Variants in ZNF687 observed in about 807,000 individuals in gnomAD.
The protein encoded by ZNF687 is zinc finger protein 687.
A neutral mutation model predicts 71.8 loss-of-function variants in ZNF687; 13 were observed. The ratio of observed to expected loss-of-function variants is 0.18; its 90% CI spans 0.12 to 0.29. The LOEUF (loss-of-function observed/expected upper bound fraction) is 0.29, where lower values mean the gene tolerates loss of function less well. Ranked by LOEUF, ZNF687 falls within the 10% of genes least tolerant of loss-of-function variation. The pLI, the probability that ZNF687 is intolerant of heterozygous loss-of-function variation, is 1.00. For missense variants in ZNF687, 1,412 were observed against 1,625.6 expected, an observed-to-expected ratio of 0.87 and a Z score of 2.26; for synonymous variants, 673 against 641.6, an observed-to-expected ratio of 1.05 and a Z score of -0.74.
chr1:151,287,441 A>C lies in ZNF687; in HGVS notation c.1150A>C (p.Lys384Gln). 6.2e-7 allele frequency: 1 copy of C among 1,614,134 alleles called. No homozygotes were observed. The highest frequency in any genetic ancestry group is 1.1e-5 in the South Asian group (1 of 91,072). ...SPATPTSEGP[K>Q]VVSVQLGDGT... is the part of the protein sequence containing the mutation. Reference sequence around the variant, plus strand: ...TGCAACACCTACTTCTGAGGGTCCAAAGGTGGTGAGCGTACAGTTGGGTGA... The same window carrying C: ...TGCAACACCTACTTCTGAGGGTCCACAGGTGGTGAGCGTACAGTTGGGTGA... The change falls in exon 2 of 9, where the codon AAG becomes CAG. Residue 384 changes from lysine to glutamine, a missense_variant. Physicochemically the swap from Lys to Gln is moderately conservative, Grantham distance 53. This residue lies in a region of ZNF687 where 490 missense variants were observed against 489.9 expected (regional missense o/e 1.00). Transcript: ENST00000336715. The surrounding 1 kb of genome is among the most constrained non-coding windows in gnomAD (Gnocchi z 5.0).
chr1:151,291,387 G>GGTT lies in ZNF687; in HGVS notation c.*179_*181dup. 1 of 879,006 alleles carries GGTT rather than the reference G, an allele frequency of 1.1e-6. No individual in the cohort carries two copies. Among genetic ancestry groups the GGTT allele is most frequent in the South Asian group, 1.9e-5 (1 of 53,994 alleles). The allele number at this position is 879,006 out of a possible 1,614,324, so 54.5% of individuals were successfully genotyped here. On this transcript the variant is annotated 3_prime_UTR_variant, in exon 9 of 9. Coordinates refer to ENST00000336715, the MANE Select transcript of ZNF687 (RefSeq NM_020832.3). ...TCTAGTTATTTGCAACCTCCCTTTG[G>GGTT]GTTTGGCCCTGGAGTCCTAGTAGAG...
chr1:151,287,799 A>G lies in ZNF687; in HGVS notation c.1508A>G (p.Lys503Arg), dbSNP rs747973878. The change falls in exon 2 of 9, where the codon AAG (lysine) becomes AGG (arginine). Residue 503 changes from lysine to arginine, a missense_variant. Physicochemically the swap from Lys to Arg is conservative, Grantham distance 26. Transcript: ENST00000336715. This position sits in a 1 kb window ranked among gnomAD's most constrained non-coding sequence, Gnocchi z 5.0. ...TCCAGCCTGGTGGAGGCCTTCAACAAGATCCTCAACAGCAAGAACCTGCTC... is the reference window on the plus strand; with the variant it reads ...TCCAGCCTGGTGGAGGCCTTCAACAGGATCCTCAACAGCAAGAACCTGCTC... ...TQSSLVEAFN[K>R]ILNSKNLLPA... 1.2e-6 allele frequency: 2 copies of G among 1,614,058 alleles called. No homozygotes were observed. Among genetic ancestry groups the G allele is most frequent in the South Asian group, 1.1e-5 (1 of 91,088 alleles).
rs199758489 is a variant in ZNF687 at position 151,287,195 on chromosome 1, C to T, written c.904C>T (p.Pro302Ser). The T allele has an allele frequency of 1.2e-6, 2 of 1,614,182 alleles. No individual in the cohort carries two copies. ...GPVDKSSPGS[P>S]QSPSSGAEAA... ...AGTGGACAAGTCTTCCCCAGGAAGT[C>T]CCCAGAGTCCCTCTAGTGGGGCCGA... Residue 302 changes from proline (P) to serine (S), a missense_variant, in exon 2 of 9, where the codon CCC becomes TCC. Pro to Ser is a moderately conservative substitution (Grantham distance 74, BLOSUM62 -1). Coordinates refer to ENST00000336715, the MANE Select transcript of ZNF687 (RefSeq NM_020832.3). This position sits in a 1 kb window ranked among gnomAD's most constrained non-coding sequence, Gnocchi z 5.0.
At chr1:151,281,599 G>A (rs1693714392), upstream of ZNF687, 1 of 471,006 alleles carries the variant, frequency 2.1e-6, no homozygotes. Context: ...ACGCCCTCCC[G>A]CAGAGGGAGG....
Position 151,289,668 on chromosome 1 carries a change from C to T in ZNF687, c.2635-10C>T. ...CCCACAACAGCAACCTCCCTTGTCT[C>T]CTCTCACAGAACACCCATCAGTCTG... is the stretch of plus-strand genomic sequence containing the variant. On this transcript the variant is annotated splice_polypyrimidine_tract_variant and intron_variant, in intron 5 of 8. Coordinates refer to ENST00000336715, the MANE Select transcript of ZNF687 (RefSeq NM_020832.3). The T allele has an allele frequency of 6.3e-7, 1 of 1,580,200 alleles. No individual in the cohort carries two copies. Among genetic ancestry groups the T allele is most frequent in the Non-Finnish European group, 8.6e-7 (1 of 1,160,902 alleles).
rs755833686 is a variant in ZNF687 at position 151,286,300 on chromosome 1, T to A, written c.9T>A (p.Asp3Glu). 4 of 1,558,600 alleles carry A rather than the reference T, an allele frequency of 2.6e-6. No homozygotes were observed. ...GTCTGGGATCTGCCGATATGGGGGA[T>A]ATGAAGACCCCTGATTTTGATGACC... MG[D>E]MKTPDFDDLL... The change falls in exon 2 of 9, where the codon GAT becomes GAA. Residue 3 changes from aspartate to glutamate, a missense_variant. Around this residue, in one of 8 missense-constraint regions of ZNF687, gnomAD observed 490 missense variants for 489.9 expected, o/e 1.00. Coordinates refer to ENST00000336715, the MANE Select transcript of ZNF687 (RefSeq NM_020832.3).
chr1:151,286,955 A>G lies in ZNF687; in HGVS notation c.664A>G (p.Lys222Glu). 1.9e-6 allele frequency: 3 copies of G among 1,610,290 alleles called. No individual in the cohort carries two copies. The highest frequency in any genetic ancestry group is 1.7e-5 in the Admixed American group (1 of 59,776). The change falls in exon 2 of 9, where the codon AAG (lysine) becomes GAG (glutamate). Residue 222 changes from lysine to glutamate, a missense_variant. Physicochemically the swap from Lys to Glu is moderately conservative, Grantham distance 56. This residue lies in a region of ZNF687 where 490 missense variants were observed against 489.9 expected (regional missense o/e 1.00). Transcript: ENST00000336715. ...TTCTTCCCCACCATTGGGGGCCTTG[A>G]AGCAGGAGAGCTGCAGCCCCCATCA... Reference protein sequence around the residue: ...PVSSPPLGALKQESCSPHHPQ... With the variant: ...PVSSPPLGALEQESCSPHHPQ...
intron 8 of ZNF687, 36 bp downstream of exon 8, chr1:151,290,609 G>C: frequency 6.3e-7 from 1 of 1,598,036 alleles, no homozygotes; most frequent in Non-Finnish European, 8.5e-7. Context: ...CTAGGGCTTT[G>C]AGTGGGAAAC....
chr1:151,283,517 G>A (rs1693816447), intron 1 of ZNF687, among the ~76,000 whole-genome samples: 1 of 152,236 alleles, frequency 6.6e-6, no homozygotes, highest in East Asian at 1.9e-4. Flanking sequence ...CTGGGTGGGT[G>A]GCCATCGGAT....
chr1:151,286,588 T>C lies in ZNF687; in HGVS notation c.297T>C (p.Ala99=). 6.2e-7 allele frequency: 1 copy of C among 1,614,210 alleles called. No individual in the cohort carries two copies. Among genetic ancestry groups the C allele is most frequent in the Non-Finnish European group, 8.5e-7 (1 of 1,180,026 alleles). The change falls in exon 2 of 9, where the codon GCT becomes GCC. Residue 99 remains alanine (A), a synonymous_variant. Transcript: ENST00000336715. ...TVCPEQSEAL[A]GGSAGDGAQA... ...GTCCCGAGCAGTCTGAGGCCCTGGC[T>C]GGAGGCTCAGCAGGAGACGGGGCCC...
chr1:151,288,191 G>C lies in ZNF687; in HGVS notation c.1900G>C (p.Gly634Arg), dbSNP rs1201815932. Residue 634 changes from glycine (G) to arginine (R), a missense_variant, in exon 2 of 9, where the codon GGC (glycine) becomes CGC (arginine). Gly to Arg is a moderately radical substitution (Grantham distance 125, BLOSUM62 -2). This residue lies in a region of ZNF687 where 207 missense variants were observed against 239.2 expected (regional missense o/e 0.87). Transcript: ENST00000336715. ...TGGACCTCTGGCCTTGCCTGCCTTG[G>C]GCAAGGGTGAGGGGGCCATCACCTC... ...VSGPLALPAL[G>R]KGEGAITSSA... 6.2e-7 allele frequency: 1 copy of C among 1,613,714 alleles called. No individual in the cohort carries two copies. The highest frequency in any genetic ancestry group is 2.2e-5 in the East Asian group (1 of 44,886).
chr1:151,289,756 C>T lies in ZNF687; in HGVS notation c.2713C>T (p.Pro905Ser), dbSNP rs1211350888. ...TGCCCTGCTGACCCCCAAGACTGAG[C>T]CTGAGGAGCTGGCTGTTTCTCAGGG... is the stretch of plus-strand genomic sequence containing the variant. ...GGALLTPKTE[P>S]EELAVSQGGA... The change falls in exon 6 of 9, where the codon CCT becomes TCT. Residue 905 changes from proline (P) to serine (S), a missense_variant. Physicochemically the swap from Pro to Ser is moderately conservative, Grantham distance 74 (BLOSUM62 -1). Coordinates refer to ENST00000336715, the MANE Select transcript of ZNF687 (RefSeq NM_020832.3). 4.5e-6 allele frequency: 7 copies of T among 1,560,026 alleles called. No homozygotes were observed. Among genetic ancestry groups the T allele is most frequent in the Non-Finnish European group, 6.1e-6 (7 of 1,151,376 alleles).
chr1:151,290,100 A>T, intron 6 of ZNF687, 22 bp from the exon 7 acceptor site: 2 of 1,613,632 alleles, frequency 1.2e-6, no homozygotes, highest in Non-Finnish European at 1.7e-6. Context: ...CCTGGCTCTG[A>T]CATCTACCCC....
intron 1 of ZNF687, 125 bp from the exon 2 acceptor site, chr1:151,286,150 G>A (rs1455022592): frequency 1.4e-6 from 1 of 733,054 alleles, no homozygotes; most frequent in Admixed American, 3.1e-5. Flanking sequence ...CCGTGGCGGA[G>A]GTGTACCTAA....
At position 151,288,351 on chromosome 1, in the gene ZNF687, G is replaced by C. The variant is rs755689576; in HGVS notation, c.2060G>C (p.Gly687Ala). ...AAGGAACAGTGCCGGGACAAGGCTG[G>C]CATGGCAGCTCACTTCCAGCAGCTC... ...ECKEQCRDKAGMAAHFQQLGP... is the reference protein window; with the variant it reads ...ECKEQCRDKAAMAAHFQQLGP... Residue 687 changes from glycine to alanine, a missense_variant, in exon 2 of 9, where the codon GGC (glycine) becomes GCC (alanine). Gly to Ala is a moderately conservative substitution (Grantham distance 60). Transcript: ENST00000336715. 2.5e-6 allele frequency: 4 copies of C among 1,610,314 alleles called. No homozygotes were observed. The South Asian group carries it at 4.4e-5, about 18-fold the overall frequency.
Position 151,289,803 on chromosome 1 carries a change from G to T in ZNF687, c.2760G>T (p.Glu920Asp). Reference protein sequence around the residue: ...VSQGGAAPATEESSSSSEEEE... With the variant: ...VSQGGAAPATDESSSSSEEEE... ...AGGGAGGGGCAGCCCCTGCTACTGA[G>T]GAGTCGTCTTCATCTTCAGAAGAGG... Residue 920 changes from glutamate (E) to aspartate (D), a missense_variant, in exon 6 of 9, where the codon GAG becomes GAT. By Grantham distance (45) the Glu-to-Asp change is conservative. This residue lies in a region of ZNF687 where 135 missense variants were observed against 104.1 expected (regional missense o/e 1.30). Transcript: ENST00000336715. 1 of 1,566,276 alleles carries T rather than the reference G, an allele frequency of 6.4e-7. No homozygotes were observed. The highest frequency in any genetic ancestry group is 2.4e-5 in the East Asian group (1 of 42,230).
chr1:151,284,144 G>A (rs1235380738), intron 1 of ZNF687: 1 of 985,336 alleles, frequency 1.0e-6, no homozygotes, highest in East Asian at 1.1e-4. Flanking sequence ...ACAGGAAAAT[G>A]GAAAGGGTGA....
Position 151,287,096 on chromosome 1 carries a change from C to A in ZNF687, c.805C>A (p.His269Asn). ...GCCCTTCTTCAAGCAGTCTCCAGGG[C>A]ACCAGAGCCCTCTTGCCTCCCCCAA... The part of the protein sequence containing the change: ...GVPFFKQSPG[H>N]QSPLASPKVP... The change falls in exon 2 of 9, where the codon CAC becomes AAC. Residue 269 changes from histidine (H) to asparagine (N), a missense_variant. By Grantham distance (68) the His-to-Asn change is moderately conservative. Around this residue, in one of 8 missense-constraint regions of ZNF687, gnomAD observed 490 missense variants for 489.9 expected, o/e 1.00. Coordinates refer to ENST00000336715, the MANE Select transcript of ZNF687 (RefSeq NM_020832.3). The surrounding 1 kb of genome is among the most constrained non-coding windows in gnomAD (Gnocchi z 5.0). 1 of 1,613,998 alleles carries A rather than the reference C, an allele frequency of 6.2e-7. No individual in the cohort carries two copies. The highest frequency in any genetic ancestry group is 8.5e-7 in the Non-Finnish European group (1 of 1,179,874).
At chr1:151,282,135 GC>G, upstream of ZNF687, 2 of 1,220,574 alleles carry the variant, frequency 1.6e-6, no homozygotes, top group Non-Finnish European at 2.1e-6. Flanking sequence ...ACTGTGCGGG[GC>G]TAGTTCCGAG....
Sources: gnomAD v4.1 joint callset for allele counts (sites outside exome capture counted in the v4.1 genomes callset) on GRCh38, gnomAD v4.1.1 for gene constraint, gnomAD v4.1.1 regional missense constraint, Gnocchi (gnomAD v3.1) non-coding constraint, MANE v1.5 for transcripts, NCBI Gene and HGNC (gene_info 2026-07-23, HGNC 2026-07-21) for gene names.